Variants in THRB observed in about 807,000 individuals in gnomAD.
The protein encoded by THRB is nuclear receptor subfamily 1 group A member 2.
A neutral mutation model predicts 47.8 loss-of-function variants in THRB; 12 were observed. The observed-to-expected ratio is 0.25, with a 90% CI of 0.16 to 0.41. The LOEUF is 0.41. THRB is among the 10% of genes least tolerant of loss of function. The pLI is 1.00. For synonymous variants in THRB, 218 were observed against 212.2 expected, an observed-to-expected ratio of 1.03 and a Z score of -0.24; for missense variants, 348 against 589.2, an observed-to-expected ratio of 0.59 and a Z score of 4.24.
chr3:24,454,088 G>A (rs1411755310), intron 1 of THRB, among the ~76,000 whole-genome samples: 1 of 152,094 alleles, frequency 6.6e-6, no homozygotes, highest in Non-Finnish European at 1.5e-5. Context: ...TAAGAAACTT[G>A]TATCTTGAAT....
intron 4 of THRB, among the ~76,000 whole-genome samples, chr3:24,197,407 T>C (rs556294758): frequency 3.4e-4 from 52 of 152,330 alleles, no homozygotes; most frequent in African/African-American, 1.2e-3. Context: ...TTGGGGCAAA[T>C]TGCTCTACCT....
At chr3:24,387,231 TC>T (rs2066193406) in intron 1 of THRB, among the ~76,000 whole-genome samples, 1 of 152,144 alleles carries the variant, frequency 6.6e-6, no homozygotes, top group Non-Finnish European at 1.5e-5. Context: ...TGCATTTTTT[TC>T]CCCTCAGTTA....
chr3:24,168,552 T>C (rs183046761), intron 5 of THRB, among the ~76,000 whole-genome samples: 237 of 150,276 alleles, frequency 1.6e-3, no homozygotes, highest in African/African-American at 5.3e-3. Context: ...TTAATAATTA[T>C]GGGTGAAACT....
chr3:24,132,304 G>A (rs561383231), intron 9 of THRB, among the ~76,000 whole-genome samples: 24 of 152,196 alleles, frequency 1.6e-4, no homozygotes, highest in East Asian at 3.9e-4. Context: ...AGAATCTTAC[G>A]AAATTTTTTT....
At chr3:24,465,498 G>T (rs761243784) in intron 1 of THRB, among the ~76,000 whole-genome samples, 10 of 152,054 alleles carry the variant, frequency 6.6e-5, no homozygotes, top group Non-Finnish European at 1.3e-4. Flanking sequence ...CAACTCCTGG[G>T]TTCAAGTGAT....
chr3:24,307,725 T>C (rs574999331), intron 2 of THRB, among the ~76,000 whole-genome samples: 7 of 152,306 alleles, frequency 4.6e-5, no homozygotes, highest in African/African-American at 1.7e-4. Context: ...TAGTATACTA[T>C]TGATATGACT....
intron 4 of THRB, among the ~76,000 whole-genome samples, chr3:24,190,649 C>T (rs1423243890): frequency 6.6e-6 from 1 of 152,002 alleles, no homozygotes; most frequent in African/African-American, 2.4e-5. Flanking sequence ...GTTTACACAC[C>T]AATTTACGTT....
chr3:24,439,050 T>C (rs1392660760), intron 1 of THRB, among the ~76,000 whole-genome samples: 1 of 152,110 alleles, frequency 6.6e-6, no homozygotes, highest in Admixed American at 6.6e-5. Flanking sequence ...GGGGTGTAAA[T>C]CACTCAGAGG....
intron 1 of THRB, among the ~76,000 whole-genome samples, chr3:24,353,826 T>G (rs1464166329): frequency 6.6e-6 from 1 of 152,164 alleles, no homozygotes; most frequent in Non-Finnish European, 1.5e-5. Context: ...AAAGCACATA[T>G]GCATAGCAAA....
intron 1 of THRB, among the ~76,000 whole-genome samples, chr3:24,488,063 T>C (rs1325807769): frequency 1.3e-5 from 2 of 152,244 alleles, no homozygotes; most frequent in African/African-American, 4.8e-5. Flanking sequence ...ACTAACACCA[T>C]GACTATCTTG....
At chr3:24,229,976 G>A (rs1238826055) in intron 3 of THRB, among the ~76,000 whole-genome samples, 1 of 152,156 alleles carries the variant, frequency 6.6e-6, no homozygotes, top group Non-Finnish European at 1.5e-5. Flanking sequence ...ACTAATACTT[G>A]TCCCACTTAT....
chr3:24,336,904 A>C (rs1227543145), intron 2 of THRB, among the ~76,000 whole-genome samples: 1 of 151,844 alleles, frequency 6.6e-6, no homozygotes, highest in East Asian at 1.9e-4. Context: ...TGTATTTTTT[A>C]GTAGAGACAG....
intron 3 of THRB, among the ~76,000 whole-genome samples, chr3:24,288,171 A>G (rs1243515816): frequency 6.6e-6 from 1 of 152,244 alleles, no homozygotes; most frequent in Non-Finnish European, 1.5e-5. Context: ...TTGTGACCCA[A>G]GGTAGTAAAA....
intron 7 of THRB, among the ~76,000 whole-genome samples, chr3:24,145,927 A>T (rs1265871035): frequency 6.6e-6 from 1 of 152,168 alleles, no homozygotes; most frequent in Admixed American, 6.5e-5. Context: ...GGCAAAAGGG[A>T]GGCCACACAT....
At chr3:24,495,555 TG>T (rs1447493954), upstream of THRB, 2 of 152,396 alleles carry the variant, frequency 1.3e-5, no homozygotes, top group Non-Finnish European at 2.9e-5. Flanking sequence ...GTGGGTTTGG[TG>T]GCCGCGCGTC....
chr3:24,369,223 CAG>C (rs2064724798), intron 1 of THRB, among the ~76,000 whole-genome samples: 1 of 152,084 alleles, frequency 6.6e-6, no homozygotes, highest in Non-Finnish European at 1.5e-5. Flanking sequence ...AAGGTGGAGA[CAG>C]AGGGGGAAAC....
chr3:24,465,684 T>C (rs2074085725), intron 1 of THRB, among the ~76,000 whole-genome samples: 1 of 152,122 alleles, frequency 6.6e-6, no homozygotes, highest in South Asian at 2.1e-4. Context: ...TATTACATAC[T>C]TGAGTCAGCG....
rs2031213276 is a variant in THRB, at chr3:24,119,263, CAA to C, written c.*3619_*3620del. 1 of 152,124 alleles carries C rather than the reference CAA, an allele frequency of 6.6e-6. No homozygotes were observed. The highest frequency in any genetic ancestry group is 1.5e-5 in the Non-Finnish European group (1 of 67,990). 9.4% of individuals were successfully genotyped at this position (152,124 alleles called of 1,614,324 possible). A position where few individuals can be genotyped will look rare whatever the true frequency, so the allele number is the denominator to read the frequency against. The stretch of plus-strand genomic sequence containing the variant: ...CTGATGCCATAGCCGTTGGAAAGGG[CAA>C]AGAGATTCAAATGTCGATCATCACT... On this transcript the variant is annotated 3_prime_UTR_variant, in exon 11 of 11. Coordinates refer to ENST00000646209, the MANE Select transcript of THRB (RefSeq NM_001354712.2).
chr3:24,165,275 T>C, intron 5 of THRB: 1 of 765,156 alleles, frequency 1.3e-6, no homozygotes, highest in Non-Finnish European at 2.4e-6. Context: ...AAAATACGCG[T>C]AATAATCAGT....
Sources: gnomAD v4.1 joint callset for allele counts (sites outside exome capture counted in the v4.1 genomes callset) on GRCh38, gnomAD v4.1.1 for gene constraint, MANE v1.5 for transcripts, NCBI Gene and HGNC (gene_info 2026-07-23, HGNC 2026-07-21) for gene names.